The following CAPZA1 variants were observed in gnomAD, a reference collection of about 807,000 sequenced individuals.
CAPZA1 encodes the protein F-actin-capping protein subunit alpha-1.
A neutral mutation model predicts 40.8 loss-of-function variants in CAPZA1; 10 were observed. That is an observed-to-expected ratio of 0.25 (90% CI 0.15 to 0.42). The LOEUF is 0.42. Among genes scored for constraint, CAPZA1 ranks in the 10% least tolerant of loss-of-function variants. The pLI is 1.00. For synonymous variants in CAPZA1, 98 were observed against 115.0 expected (o/e 0.85, Z 0.95); for missense variants, 277 against 353.8 (o/e 0.78, Z 1.74).
Position 112,638,996 on chromosome 1 carries a change from T to C in CAPZA1, c.40-8214T>C, listed in dbSNP as rs1671082724. ...GAGAATAATTTATATAATATATAAT[T>C]ATATATTATATAATTTTAATATAAT... On this transcript the variant is annotated intron_variant, in intron 1 of 9. Coordinates refer to ENST00000263168, the MANE Select transcript of CAPZA1 (RefSeq NM_006135.3). Among the ~76,000 whole-genome samples the C allele has an allele frequency of 2.1e-5, 3 of 144,366 alleles. No homozygotes were observed. The South Asian group carries it at 6.3e-4, about 30-fold the overall frequency. 94.7% of individuals were successfully genotyped at this position (144,366 alleles called of 152,430 possible).
At chr1:112,657,932 C>T (rs1190698911) in intron 5 of CAPZA1, among the ~76,000 whole-genome samples, 1 of 152,072 alleles carries the variant, frequency 6.6e-6, no homozygotes, top group Non-Finnish European at 1.5e-5. Context: ...TTTTTTTCCC[C>T]TACCTTTGTA....
intron 1 of CAPZA1, chr1:112,634,601 A>G (rs780858895): frequency 6.6e-6 from 1 of 152,172 alleles, no homozygotes; most frequent in South Asian, 2.1e-4. Context: ...ACCAGTTAAG[A>G]TAACAGTAGC....
intron 8 of CAPZA1, among the ~76,000 whole-genome samples, 175 bp from the exon 9 acceptor site, chr1:112,669,368 C>T (rs551405190): frequency 1.3e-5 from 2 of 152,262 alleles, no homozygotes; most frequent in South Asian, 4.2e-4. Flanking sequence ...ATGATTATAA[C>T]ATAGTGTCTT....
intron 1 of CAPZA1, among the ~76,000 whole-genome samples, chr1:112,624,207 C>G (rs566838379): frequency 1.1e-4 from 16 of 152,128 alleles, no homozygotes; most frequent in African/African-American, 3.9e-4. Flanking sequence ...AAATTCAGAT[C>G]CCAGGTTTTT....
chr1:112,667,403 G>A (rs983284051), intron 8 of CAPZA1, among the ~76,000 whole-genome samples: 1 of 152,186 alleles, frequency 6.6e-6, no homozygotes, highest in African/African-American at 2.4e-5. Flanking sequence ...CTCAAGGACA[G>A]CAATACCTTC....
In CAPZA1 at chr1:112,665,178, G is replaced by GTTT. The variant is rs55776312; in HGVS notation, c.586-1882_586-1880dup. On this transcript the variant is annotated intron_variant, in intron 7 of 9. Transcript: ENST00000263168. ...ATGTCTTTGTTTGGGGTTTTTTTGT[G>GTTT]TTTTTTTTTTTTTTTTGAGACAGAG... is the stretch of plus-strand genomic sequence containing the variant. 9.8e-4 allele frequency among the ~76,000 whole-genome samples: 126 copies of GTTT among 128,914 alleles called. 3 individuals carry two copies. The highest frequency in any genetic ancestry group is 8.3e-3 in the Middle Eastern group (2 of 240). The allele number at this position is 128,914 out of a possible 152,430, so 84.6% of individuals were successfully genotyped here.
intron 1 of CAPZA1, among the ~76,000 whole-genome samples, chr1:112,638,311 A>C (rs1671061976): frequency 6.6e-6 from 1 of 151,990 alleles, no homozygotes; most frequent in Non-Finnish European, 1.5e-5. Flanking sequence ...CATGGAACAG[A>C]CTTTAGATTT....
rs1456847129 is a variant in CAPZA1, at chr1:112,670,711, G to A, written c.*579G>A. 4 of 152,552 alleles carry A rather than the reference G, an allele frequency of 2.6e-5. No homozygotes were observed. Among genetic ancestry groups the A allele is most frequent in the African/African-American group, 9.7e-5 (4 of 41,422 alleles). The allele number at this position is 152,552 out of a possible 1,614,324, so 9.4% of individuals were successfully genotyped here. ...GGGACTTTTCAGGTCCTTTTTGGAGGGCAAAGGAAGTGCCAGCTTCTCTGG... is the reference window on the plus strand; with the variant it reads ...GGGACTTTTCAGGTCCTTTTTGGAGAGCAAAGGAAGTGCCAGCTTCTCTGG... On this transcript the variant is annotated 3_prime_UTR_variant, in exon 10 of 10. Transcript: ENST00000263168.
chr1:112,635,008 T>C (rs1670988230), intron 1 of CAPZA1, among the ~76,000 whole-genome samples: 1 of 152,190 alleles, frequency 6.6e-6, no homozygotes, highest in African/African-American at 2.4e-5. Flanking sequence ...GCCTGCCATG[T>C]GTAATTTAAT....
intron 3 of CAPZA1, among the ~76,000 whole-genome samples, chr1:112,650,300 AACAATAAT>A (rs1671359188): frequency 6.6e-6 from 1 of 152,324 alleles, no homozygotes; most frequent in East Asian, 1.9e-4. Context: ...CTGCCTGGGA[AACAATAAT>A]CTGCCCTGTC....
At chr1:112,648,347 C>CTTTTTT (rs35670246) in intron 2 of CAPZA1, among the ~76,000 whole-genome samples, 41 of 99,378 alleles carry the variant, frequency 4.1e-4, no homozygotes, top group Non-Finnish European at 5.2e-4. Context: ...TTGAATTTTT[C>CTTTTTT]TTTTTTTTTT....
At chr1:112,654,012 G>A (rs373820511) in intron 4 of CAPZA1, among the ~76,000 whole-genome samples, 1 of 152,088 alleles carries the variant, frequency 6.6e-6, no homozygotes, top group East Asian at 1.9e-4. Flanking sequence ...TATTACTTTA[G>A]GATTTTGGTG....
intron 2 of CAPZA1, among the ~76,000 whole-genome samples, chr1:112,648,322 T>A (rs1233766265): frequency 6.6e-6 from 1 of 151,520 alleles, no homozygotes; most frequent in Non-Finnish European, 1.5e-5. Context: ...GTAACATTTT[T>A]AATAAATTTT....
chr1:112,662,819 A>C (rs1321079549), intron 7 of CAPZA1, among the ~76,000 whole-genome samples: 1 of 152,196 alleles, frequency 6.6e-6, no homozygotes, highest in Non-Finnish European at 1.5e-5. Flanking sequence ...TTTATTCTCG[A>C]ACAAAAAGAA....
chr1:112,669,246 G>A (rs1557739690), intron 8 of CAPZA1, among the ~76,000 whole-genome samples: 1 of 152,146 alleles, frequency 6.6e-6, no homozygotes, highest in African/African-American at 2.4e-5. Flanking sequence ...AACAGCATGG[G>A]TTTTTTTGGT....
chr1:112,667,544 A>G (rs1482628737), intron 8 of CAPZA1, among the ~76,000 whole-genome samples: 1 of 152,226 alleles, frequency 6.6e-6, no homozygotes, highest in Non-Finnish European at 1.5e-5. Flanking sequence ...GTGGTGGTCT[A>G]TTTGAGACAG....
rs1306370280 is a variant in CAPZA1, at chr1:112,670,774, C to G, written c.*642C>G. 3 of 152,680 alleles carry G rather than the reference C, an allele frequency of 2.0e-5. No individual in the cohort carries two copies. The highest frequency in any genetic ancestry group is 2.9e-5 in the Non-Finnish European group (2 of 68,054). The allele number at this position is 152,680 out of a possible 1,614,324, so 9.5% of individuals were successfully genotyped here. ...TAAATCCAAAGACTTGAACCACATT[C>G]CCTGCACATGAACATGTTTGCTTTT... On this transcript the variant is annotated 3_prime_UTR_variant, in exon 10 of 10. Coordinates refer to ENST00000263168, the MANE Select transcript of CAPZA1 (RefSeq NM_006135.3).
chr1:112,627,852 C>G (rs1670846069), intron 1 of CAPZA1, among the ~76,000 whole-genome samples: 1 of 150,694 alleles, frequency 6.6e-6, no homozygotes, highest in African/African-American at 2.4e-5. Context: ...CCCAGCTACT[C>G]AGCAGGCTGA....
intron 1 of CAPZA1, among the ~76,000 whole-genome samples, chr1:112,635,902 G>A (rs1433700375): frequency 3.3e-5 from 5 of 152,144 alleles, no homozygotes; most frequent in African/African-American, 1.2e-4. Flanking sequence ...GGTGGCAGGC[G>A]CCTGTAGTCC....
Sources: allele counts gnomAD v4.1 joint callset (sites outside exome capture counted in the v4.1 genomes callset), GRCh38; gene constraint gnomAD v4.1.1; transcripts MANE v1.5; gene names NCBI Gene and HGNC (gene_info 2026-07-23, HGNC 2026-07-21).